The following ATRX variants were observed in gnomAD, a reference collection of about 807,000 sequenced individuals.
ATRX encodes ATRX chromatin remodeler.
In ATRX, 12 loss-of-function variants were observed where a neutral mutation model predicts 172.6. The observed-to-expected ratio is 0.07, with a 90% confidence interval of 0.04 to 0.11. The LOEUF (loss-of-function observed/expected upper bound fraction) is 0.11, where lower values mean the gene tolerates loss of function less well. Among genes scored for constraint, ATRX ranks in the 10% least tolerant of loss-of-function variants. ATRX has a pLI of 1.00. For missense variants in ATRX, 1,368 were observed against 1,767.4 expected (o/e 0.77, Z 4.05); for synonymous variants, 674 against 594.7 (o/e 1.13, Z -1.94).
At chrX:77,676,978 C>T (rs1462665444) in intron 9 of ATRX, among the ~76,000 whole-genome samples, 1 of 110,781 alleles carries the variant, frequency 9.0e-6, no homozygotes, top group African/African-American at 3.3e-5. Context: ...AAAAATTAAC[C>T]AGCCATGGTG....
rs186152466 is a variant in ATRX at position 77,729,608 on chromosome X, G to A, written c.21-12365C>T. 8.0e-5 allele frequency among the ~76,000 whole-genome samples: 9 copies of A among 111,961 alleles called. No individual in the cohort carries two copies. The South Asian group carries it at 2.6e-3, about 32-fold the overall frequency. ...CATTTAAGAAATTACTCACATGTGC[G>A]TGTGTTTCCAGTTTCAAAATCATCA... On this transcript the variant is annotated intron_variant, in intron 1 of 34. Coordinates refer to ENST00000373344, the MANE Select transcript of ATRX (RefSeq NM_000489.6).
intron 27 of ATRX, among the ~76,000 whole-genome samples, chrX:77,574,821 C>T (rs1053397210): frequency 1.8e-4 from 20 of 110,972 alleles, no homozygotes; most frequent in African/African-American, 6.5e-4. Context: ...CTACTATGTG[C>T]CAAAAATTAT....
At chrX:77,517,731 G>C (rs2147718246) in intron 34 of ATRX, among the ~76,000 whole-genome samples, 1 of 111,612 alleles carries the variant, frequency 9.0e-6, no homozygotes, top group South Asian at 3.7e-4. Flanking sequence ...GAAAACTACA[G>C]GGCAATATCT....
In ATRX at chrX:77,543,607, A is replaced by G. The variant is rs924603164; in HGVS notation, c.6699+13844T>C. On this transcript the variant is annotated intron_variant, in intron 30 of 34. Coordinates refer to ENST00000373344, the MANE Select transcript of ATRX (RefSeq NM_000489.6). ...AATAAAGAAAACGTGGCATATATAC[A>G]CCATGGAATACTATGCGGCCATAAA... 2.7e-5 allele frequency among the ~76,000 whole-genome samples: 3 copies of G among 112,026 alleles called. No homozygotes were observed. In the Admixed American group the frequency reaches 2.9e-4, roughly 11 times the overall value.
At chrX:77,649,313 G>A (rs782481478) in intron 15 of ATRX, among the ~76,000 whole-genome samples, 2 of 111,525 alleles carry the variant, frequency 1.8e-5, no homozygotes, top group Non-Finnish European at 3.8e-5. Context: ...CATTTTCTAG[G>A]TCACTCCAAC....
At chrX:77,619,077 AT>A in intron 20 of ATRX, 96 bp from the exon 21 acceptor site, 2 of 574,402 alleles carry the variant, frequency 3.5e-6, no homozygotes, top group Non-Finnish European at 5.6e-6. Flanking sequence ...AAACACATGC[AT>A]TAGAATTAAG....
At chrX:77,665,390 CA>C (rs2070176811) in intron 10 of ATRX, among the ~76,000 whole-genome samples, 2 of 111,319 alleles carry the variant, frequency 1.8e-5, no homozygotes, top group Middle Eastern at 9.3e-3. Context: ...ATATTCAAGA[CA>C]GGGGAAAGAA....
chrX:77,668,340 G>A (rs2070368976), intron 10 of ATRX, among the ~76,000 whole-genome samples: 1 of 111,552 alleles, frequency 9.0e-6, no homozygotes, highest in Admixed American at 9.5e-5. Context: ...GGCCTCGGCT[G>A]GACCCATGCT....
At position 77,664,906 on chromosome X, in the gene ATRX, TAAAC is replaced by T. The variant is rs1485330477; in HGVS notation, c.3810-132_3810-129del. On this transcript the variant is annotated intron_variant, in intron 10 of 34. Transcript: ENST00000373344. ...GTGCCAATAGATTTTATATTGTAAA[TAAAC>T]AACTAGCAAAACCATGTTTTAACCT... 7 of 673,665 alleles carry T rather than the reference TAAAC, an allele frequency of 1.0e-5. No homozygotes were observed. The African/African-American group carries it at 1.3e-4, about 13-fold the overall frequency. 55.5% of individuals were successfully genotyped at this position (673,665 alleles called of 1,213,427 possible).
chrX:77,701,646 G>T (rs1557153590), intron 2 of ATRX, among the ~76,000 whole-genome samples: 1 of 111,580 alleles, frequency 9.0e-6, no homozygotes, highest in African/African-American at 3.3e-5. Flanking sequence ...TTAAGATCAG[G>T]AACAAGGCAA....
intron 1 of ATRX, among the ~76,000 whole-genome samples, chrX:77,772,643 G>GA (rs1557199850): frequency 1.0e-5 from 1 of 99,687 alleles, no homozygotes; most frequent in African/African-American, 3.6e-5. Flanking sequence ...TGCCCAGCTA[G>GA]TTTTTTTTTT....
rs1557106791 is a variant in ATRX at position 77,633,731 on chromosome X, T to C, written c.4810-19A>G. On this transcript the variant is annotated intron_variant, in intron 17 of 34. Coordinates refer to ENST00000373344, the MANE Select transcript of ATRX (RefSeq NM_000489.6). ...TTACCACCTATAAGAAAACAGATTGTCACCTTCGTTTAAATATCCACAAAA... is the reference window on the plus strand; with the variant it reads ...TTACCACCTATAAGAAAACAGATTGCCACCTTCGTTTAAATATCCACAAAA... The C allele has an allele frequency of 1.7e-6, 2 of 1,195,193 alleles. No homozygotes were observed.
At chrX:77,559,121 T>G (rs2064912739) in intron 28 of ATRX, among the ~76,000 whole-genome samples, 1 of 111,456 alleles carries the variant, frequency 9.0e-6, no homozygotes, top group Admixed American at 9.7e-5. Context: ...CAAGGTTTTA[T>G]CTACAGATTT....
At chrX:77,784,787 C>T (rs1258726853) in intron 1 of ATRX, among the ~76,000 whole-genome samples, 1 of 111,934 alleles carries the variant, frequency 8.9e-6, no homozygotes, top group African/African-American at 3.2e-5. Context: ...AGGCTCATTG[C>T]CCAATTCTAC....
chrX:77,695,482 A>G (rs555109332), intron 5 of ATRX, among the ~76,000 whole-genome samples: 1 of 111,298 alleles, frequency 9.0e-6, no homozygotes, highest in South Asian at 3.8e-4. Context: ...TTGAATTCCT[A>G]TTTCTTACAT....
Position 77,663,431 on chromosome X carries a change from C to A in ATRX, c.4071G>T (p.Lys1357Asn). 1 of 1,211,544 alleles carries A rather than the reference C, an allele frequency of 8.3e-7. No individual in the cohort carries two copies. Among genetic ancestry groups the A allele is most frequent in the East Asian group, 3.0e-5 (1 of 33,851 alleles). ...CTTCTTTATGCTCTTTAGGCTTTGT[C>A]TTTTTTTCTTCTCCAGATTCTCCGT... is the stretch of plus-strand genomic sequence containing the variant. Reference protein sequence around the residue: ...VSDGESGEEKKTKPKEHKEVK... With the variant: ...VSDGESGEEKNTKPKEHKEVK... Residue 1357 changes from lysine to asparagine, a missense_variant, in exon 12 of 35, where the codon AAG becomes AAT. Lys to Asn is a moderately conservative substitution (Grantham distance 94, BLOSUM62 0). Around this residue, in one of 17 missense-constraint regions of ATRX, gnomAD observed 119 missense variants for 131.3 expected, o/e 0.91. Coordinates refer to ENST00000373344, the MANE Select transcript of ATRX (RefSeq NM_000489.6).
chrX:77,674,558 A>T (rs1025967145), intron 10 of ATRX: 7 of 111,296 alleles, frequency 6.3e-5, no homozygotes, highest in Non-Finnish European at 1.1e-4. Flanking sequence ...GTTGAAAATG[A>T]TATTTATATT....
intron 3 of ATRX, 135 bp downstream of exon 3, chrX:77,698,439 A>G: frequency 1.9e-6 from 1 of 513,405 alleles, no homozygotes; most frequent in Non-Finnish European, 3.2e-6. Context: ...AAACTGGAAA[A>G]CAACGAAACT....
intron 19 of ATRX, among the ~76,000 whole-genome samples, chrX:77,622,189 G>C (rs2064940976): frequency 9.0e-6 from 1 of 111,697 alleles, no homozygotes. Flanking sequence ...TCTTCCACAG[G>C]CACCCAAAGA....
Sources: gnomAD v4.1 joint callset for allele counts (sites outside exome capture counted in the v4.1 genomes callset) on GRCh38, gnomAD v4.1.1 for gene constraint, gnomAD v4.1.1 regional missense constraint, MANE v1.5 for transcripts, NCBI Gene and HGNC (gene_info 2026-07-23, HGNC 2026-07-21) for gene names.